TPD52L1: variants seen among roughly 807,000 people sequenced by gnomAD.
TPD52L1 encodes the protein TPD52 like 1, also known as tumor protein D53.
A neutral mutation model predicts 28.7 loss-of-function variants in TPD52L1; 18 were observed. The observed-to-expected ratio is 0.63, with a 90% CI of 0.43 to 0.93. TPD52L1 has a LOEUF of 0.93. Ranked by LOEUF, TPD52L1 falls within the 40% of genes least tolerant of loss-of-function variation. TPD52L1 has a pLI of 0.00. For missense variants in TPD52L1, 203 were observed against 254.8 expected (o/e 0.80, Z 1.39); for synonymous variants, 75 against 88.8 (o/e 0.84, Z 0.88).
chr6:125,186,885 C>T (rs562854950), intron 1 of TPD52L1, among the ~76,000 whole-genome samples: 69 of 152,014 alleles, frequency 4.5e-4, no homozygotes, highest in African/African-American at 1.5e-3. Context: ...ATGAGATGAT[C>T]AAGTACAACG....
At chr6:125,226,458 T>A (rs1251200753) in intron 2 of TPD52L1, among the ~76,000 whole-genome samples, 1 of 152,102 alleles carries the variant, frequency 6.6e-6, no homozygotes, top group Non-Finnish European at 1.5e-5. Context: ...AATCCTTTCC[T>A]CACTCCCCAC....
At chr6:125,160,525 A>T (rs989519753) in intron 1 of TPD52L1, among the ~76,000 whole-genome samples, 2 of 152,098 alleles carry the variant, frequency 1.3e-5, no homozygotes, top group African/African-American at 2.4e-5. Flanking sequence ...GCATCTGGTT[A>T]CAGTTAGAAT....
intron 1 of TPD52L1, among the ~76,000 whole-genome samples, chr6:125,160,142 G>T (rs1267012750): frequency 1.3e-5 from 2 of 152,050 alleles, no homozygotes; most frequent in Non-Finnish European, 2.9e-5. Flanking sequence ...CTAGTCTCGG[G>T]TATGTCTTTA....
At chr6:125,248,413 G>C (rs781441056) in intron 4 of TPD52L1, 30 bp downstream of exon 4, 5 of 1,571,238 alleles carry the variant, frequency 3.2e-6, no homozygotes, top group Non-Finnish European at 4.4e-6. Flanking sequence ...TGGGAACGGC[G>C]CTAAGCCCTT....
intron 1 of TPD52L1, among the ~76,000 whole-genome samples, chr6:125,206,876 C>G (rs942725593): frequency 6.6e-6 from 1 of 151,978 alleles, no homozygotes; most frequent in African/African-American, 2.4e-5. Flanking sequence ...AGTGATGAAA[C>G]CCCTAAATCA....
intron 1 of TPD52L1, among the ~76,000 whole-genome samples, chr6:125,198,276 G>A (rs1328667244): frequency 2.0e-5 from 3 of 152,150 alleles, no homozygotes; most frequent in African/African-American, 4.8e-5. Flanking sequence ...AGTCTTCTGT[G>A]TCTATTGTCT....
intron 3 of TPD52L1, among the ~76,000 whole-genome samples, chr6:125,246,815 C>T (rs1193806680): frequency 2.6e-5 from 4 of 151,810 alleles, no homozygotes; most frequent in African/African-American, 9.7e-5. Context: ...CCCTAGTCAC[C>T]AGATTCTTCC....
rs1792384389 is a variant in TPD52L1 at position 125,183,730 on chromosome 6, C to A, written c.19+29760C>A. Among the ~76,000 whole-genome samples the A allele has an allele frequency of 2.6e-5, 4 of 151,102 alleles. No homozygotes were observed. In the South Asian group the frequency reaches 8.4e-4, roughly 32 times the overall value. On this transcript the variant is annotated intron_variant, in intron 1 of 6. Transcript: ENST00000534000. ...ATCTGTGAAGGTGACTAATATAAAA[C>A]AATAAGAAAGAGATCAACTTTTAGC...
intron 2 of TPD52L1, among the ~76,000 whole-genome samples, chr6:125,226,847 A>G (rs765539803): frequency 8.3e-4 from 127 of 152,300 alleles, no homozygotes; most frequent in Non-Finnish European, 1.5e-3. Context: ...ATGGAGGAGG[A>G]CACATTGACA....
At position 125,206,654 on chromosome 6, in the gene TPD52L1, G is replaced by A. The variant is rs141688201; in HGVS notation, c.20-13424G>A. 4.6e-5 allele frequency among the ~76,000 whole-genome samples: 7 copies of A among 152,340 alleles called. No homozygotes were observed. In the South Asian group the frequency reaches 8.3e-4, roughly 18 times the overall value. On this transcript the variant is annotated intron_variant, in intron 1 of 6. Coordinates refer to ENST00000534000, the MANE Select transcript of TPD52L1 (RefSeq NM_003287.4). ...TAGGTGGAATCACCACTTACAGCCA[G>A]CTATGGAGGACTTTGAATGATTATA...
chr6:125,163,173 C>T (rs1442958816), intron 1 of TPD52L1, among the ~76,000 whole-genome samples: 1 of 152,204 alleles, frequency 6.6e-6, no homozygotes, highest in Non-Finnish European at 1.5e-5. Context: ...GGACATATTT[C>T]CATCCCAATG....
At chr6:125,258,054 C>A (rs1034244781) in intron 6 of TPD52L1, among the ~76,000 whole-genome samples, 1 of 152,178 alleles carries the variant, frequency 6.6e-6, no homozygotes, top group Admixed American at 6.5e-5. Flanking sequence ...TGTATCTTCA[C>A]GCTGCTCTCA....
intron 1 of TPD52L1, among the ~76,000 whole-genome samples, chr6:125,215,017 CA>C (rs1794770629): frequency 6.6e-6 from 1 of 152,142 alleles, no homozygotes; most frequent in Non-Finnish European, 1.5e-5. Flanking sequence ...ACAGTTTGCA[CA>C]TTTGGAAAAG....
chr6:125,186,155 C>T (rs1202702939), intron 1 of TPD52L1, among the ~76,000 whole-genome samples: 1 of 152,054 alleles, frequency 6.6e-6, no homozygotes, highest in Admixed American at 6.5e-5. Flanking sequence ...AAGTGCTGGG[C>T]TTACAAGCAT....
At chr6:125,219,758 G>T (rs2114960247) in intron 1 of TPD52L1, 2 of 375,062 alleles carry the variant, frequency 5.3e-6, no homozygotes, top group South Asian at 4.4e-5. Context: ...TTTGTCCTCT[G>T]CCCTTACGCC....
chr6:125,162,444 T>C (rs1233436445), intron 1 of TPD52L1, among the ~76,000 whole-genome samples: 1 of 152,194 alleles, frequency 6.6e-6, no homozygotes, highest in African/African-American at 2.4e-5. Context: ...TAAGAAGATG[T>C]GCTACTTAGT....
chr6:125,165,592 T>A (rs901322020), intron 1 of TPD52L1, among the ~76,000 whole-genome samples: 5 of 152,242 alleles, frequency 3.3e-5, no homozygotes, highest in African/African-American at 1.2e-4. Context: ...TGCATGTATA[T>A]GTTACACCTC....
intron 3 of TPD52L1, among the ~76,000 whole-genome samples, chr6:125,244,273 G>A (rs1327583567): frequency 6.6e-6 from 1 of 152,074 alleles, no homozygotes; most frequent in African/African-American, 2.4e-5. Context: ...TTACTGAGTT[G>A]ACTTTAGGCC....
At chr6:125,186,575 C>G (rs1792648144) in intron 1 of TPD52L1, among the ~76,000 whole-genome samples, 1 of 152,174 alleles carries the variant, frequency 6.6e-6, no homozygotes, top group South Asian at 2.1e-4. Context: ...AGATTGTGCT[C>G]TTAGAGCATC....
Sources: allele counts gnomAD v4.1 joint callset (sites outside exome capture counted in the v4.1 genomes callset), GRCh38; gene constraint gnomAD v4.1.1; transcripts MANE v1.5; gene names NCBI Gene and HGNC (gene_info 2026-07-23, HGNC 2026-07-21).